Variants in ZC2HC1B observed in about 807,000 individuals in gnomAD.
The protein encoded by ZC2HC1B is zinc finger C2HC domain-containing protein 1B.
Under a neutral mutation model 31.0 loss-of-function variants are expected in ZC2HC1B, and 36 were observed. The ratio of observed to expected loss-of-function variants is 1.16; its 90% confidence interval spans 0.89 to 1.54. ZC2HC1B has a LOEUF of 1.54. ZC2HC1B is among the 40% of genes most tolerant of loss of function. The pLI, the probability that ZC2HC1B is intolerant of heterozygous loss-of-function variation, is 0.00. For missense variants in ZC2HC1B, 260 were observed against 268.6 expected (o/e 0.97, Z 0.22); for synonymous variants, 73 against 88.0 (o/e 0.83, Z 0.95).
At position 143,886,770 on chromosome 6, in the gene ZC2HC1B, A is replaced by G. The variant is rs1034210380; in HGVS notation, c.298A>G (p.Ile100Val). The change falls in exon 4 of 8, where the codon ATT (isoleucine) becomes GTT (valine). Residue 100 changes from isoleucine (I) to valine (V), a missense_variant. Coordinates refer to ENST00000237275, the MANE Select transcript of ZC2HC1B (RefSeq NM_001013623.3). This position sits in a 1 kb window ranked among gnomAD's most constrained non-coding sequence, Gnocchi z 4.2. The stretch of plus-strand genomic sequence containing the variant: ...ATCAGCAAAGCAGTGTATGCTAGCC[A>G]TTAAAGAAGGCCGACCCCTCCCACC... The part of the protein sequence containing the change: ...IRSAKQCMLA[I>V]KEGRPLPPPP... 21 of 1,549,428 alleles carry G rather than the reference A, an allele frequency of 1.4e-5. No homozygotes were observed. Among genetic ancestry groups the G allele is most frequent in the Non-Finnish European group, 1.8e-5 (21 of 1,145,968 alleles).
At chr6:143,890,201 A>T (rs1048348567) in intron 4 of ZC2HC1B, among the ~76,000 whole-genome samples, 2 of 152,146 alleles carry the variant, frequency 1.3e-5, no homozygotes, top group African/African-American at 2.4e-5. Context: ...AGAAAAGAGA[A>T]AAGTTTTAGT....
rs1777531255 is a variant in ZC2HC1B, at chr6:143,886,502, C to T, written c.211-181C>T. On this transcript the variant is annotated intron_variant, in intron 3 of 7. Coordinates refer to ENST00000237275, the MANE Select transcript of ZC2HC1B (RefSeq NM_001013623.3). This position sits in a 1 kb window ranked among gnomAD's most constrained non-coding sequence, Gnocchi z 4.2. ...TTTGTGTTTTCCCTCACTCTTGTGG[C>T]TTGCAAATTATATTACTGTACTTTC... 6.6e-6 allele frequency among the ~76,000 whole-genome samples: 1 copy of T among 152,080 alleles called. No homozygotes were observed. The highest frequency in any genetic ancestry group is 2.4e-5 in the African/African-American group (1 of 41,406).
chr6:143,911,097 C>T lies in ZC2HC1B; in HGVS notation c.598+7945C>T, dbSNP rs907946064. On this transcript the variant is annotated intron_variant, in intron 6 of 7. Transcript: ENST00000237275. This position sits in a 1 kb window ranked among gnomAD's most constrained non-coding sequence, Gnocchi z 4.5. ...GTTTTGTCAGAAACTAGGATTGCAACCCCTGCTTTTTTCAATATTTTCCAT... is the reference window on the plus strand; with the variant it reads ...GTTTTGTCAGAAACTAGGATTGCAATCCCTGCTTTTTTCAATATTTTCCAT... Among the ~76,000 whole-genome samples the T allele has an allele frequency of 6.6e-6, 1 of 152,146 alleles. No homozygotes were observed. The highest frequency in any genetic ancestry group is 1.5e-5 in the Non-Finnish European group (1 of 68,020).
chr6:143,918,563 T>C lies in ZC2HC1B; in HGVS notation c.598+15411T>C, dbSNP rs1777943202. On this transcript the variant is annotated intron_variant, in intron 6 of 7. Transcript: ENST00000237275. The surrounding 1 kb of genome is among the most constrained non-coding windows in gnomAD (Gnocchi z 4.1). ...GGTCTCTTTGAGTTTGTCTTACTTT[T>C]AGTTTTTGAATGATTCTTAAATGTT... 6.6e-6 allele frequency among the ~76,000 whole-genome samples: 1 copy of C among 152,218 alleles called. No individual in the cohort carries two copies. Among genetic ancestry groups the C allele is most frequent in the South Asian group, 2.1e-4 (1 of 4,836 alleles).
At chr6:143,896,770 A>G (rs1396559237) in intron 4 of ZC2HC1B, among the ~76,000 whole-genome samples, 1 of 152,200 alleles carries the variant, frequency 6.6e-6, no homozygotes, top group Non-Finnish European at 1.5e-5. Flanking sequence ...TAGCAAGTAA[A>G]GAACTCAGGC....
chr6:143,875,319 AAAGTG>A (rs1777392362), intron 1 of ZC2HC1B, among the ~76,000 whole-genome samples: 1 of 151,432 alleles, frequency 6.6e-6, no homozygotes, highest in African/African-American at 2.4e-5. Context: ...GAGTAGGTCT[AAAGTG>A]ACTAATCCAC....
chr6:143,925,530 T>C (rs1355409186), intron 6 of ZC2HC1B, among the ~76,000 whole-genome samples: 1 of 132,634 alleles, frequency 7.5e-6, no homozygotes, highest in Non-Finnish European at 1.5e-5. Flanking sequence ...TTCATTCTTT[T>C]CTTTTCTTTT....
intron 6 of ZC2HC1B, among the ~76,000 whole-genome samples, chr6:143,910,662 A>G (rs925515550): frequency 1.3e-5 from 2 of 152,224 alleles, no homozygotes; most frequent in African/African-American, 4.8e-5. Flanking sequence ...TTGGGTGCAT[A>G]TATATTTAGG....
chr6:143,898,572 T>G lies in ZC2HC1B; in HGVS notation c.370T>G (p.Cys124Gly). ...LNPDYIQRPY[C>G]MRRFNESAAE... ...TTCAGATTATATTCAACGTCCATAT[T>G]GTATGAGAAGGTTTAATGAAAGCGC... The change falls in exon 5 of 8, where the codon TGT (cysteine) becomes GGT (glycine). Residue 124 changes from cysteine to glycine, a missense_variant. Cys to Gly is a radical substitution (Grantham distance 159). Transcript: ENST00000237275. 6.4e-7 allele frequency: 1 copy of G among 1,551,722 alleles called. No individual in the cohort carries two copies. Among genetic ancestry groups the G allele is most frequent in the Non-Finnish European group, 8.7e-7 (1 of 1,146,986 alleles).
chr6:143,886,019 C>T lies in ZC2HC1B; in HGVS notation c.91-13C>T. ...CACTTTAGAAATTCCAATCCCTACTCTTCGTTTTCTAGGAAAGGCATGGAC... is the reference window on the plus strand; with the variant it reads ...CACTTTAGAAATTCCAATCCCTACTTTTCGTTTTCTAGGAAAGGCATGGAC... On this transcript the variant is annotated splice_polypyrimidine_tract_variant and intron_variant, in intron 2 of 7. Transcript: ENST00000237275. This position sits in a 1 kb window ranked among gnomAD's most constrained non-coding sequence, Gnocchi z 4.2. 1 of 1,514,926 alleles carries T rather than the reference C, an allele frequency of 6.6e-7. No homozygotes were observed. The highest frequency in any genetic ancestry group is 1.3e-5 in the South Asian group (1 of 77,046). The allele number at this position is 1,514,926 out of a possible 1,614,324, so 93.8% of individuals were successfully genotyped here. A position where few individuals can be genotyped will look rare whatever the true frequency, so the allele number is the denominator to read the frequency against.
rs1778140471 is a variant in ZC2HC1B at position 143,933,047 on chromosome 6, AG to A, written c.599-4598del. 6.6e-6 allele frequency among the ~76,000 whole-genome samples: 1 copy of A among 152,214 alleles called. No homozygotes were observed. Among genetic ancestry groups the A allele is most frequent in the African/African-American group, 2.4e-5 (1 of 41,450 alleles). ...CAGCACCTGTTCTGATGGAGGTGGC[AG>A]GGGAGTCAGGTAGACTCTGTGAGAG... On this transcript the variant is annotated intron_variant, in intron 6 of 7. Transcript: ENST00000237275. This position sits in a 1 kb window ranked among gnomAD's most constrained non-coding sequence, Gnocchi z 6.4.
chr6:143,926,060 C>CAAA (rs1340204102), intron 6 of ZC2HC1B, among the ~76,000 whole-genome samples: 1 of 151,874 alleles, frequency 6.6e-6, no homozygotes, highest in Non-Finnish European at 1.5e-5. Context: ...TTTATCTTTT[C>CAAA]AAAAAACTAA....
At position 143,915,416 on chromosome 6, in the gene ZC2HC1B, A is replaced by C. The variant is rs575925185; in HGVS notation, c.598+12264A>C. On this transcript the variant is annotated intron_variant, in intron 6 of 7. Coordinates refer to ENST00000237275, the MANE Select transcript of ZC2HC1B (RefSeq NM_001013623.3). The surrounding 1 kb of genome is among the most constrained non-coding windows in gnomAD (Gnocchi z 5.2). ...ATGTCTTTTTCGGCAGCATGAAAACAGACGAATACAGTAAATTGGTACCAG... is the reference window on the plus strand; with the variant it reads ...ATGTCTTTTTCGGCAGCATGAAAACCGACGAATACAGTAAATTGGTACCAG... Among the ~76,000 whole-genome samples, 4 of 152,332 alleles carry C rather than the reference A, an allele frequency of 2.6e-5. No homozygotes were observed. Among genetic ancestry groups the C allele is most frequent in the African/African-American group, 4.8e-5 (2 of 41,574 alleles).
intron 5 of ZC2HC1B, 64 bp downstream of exon 5, chr6:143,898,755 A>T: frequency 2.0e-6 from 3 of 1,535,566 alleles, no homozygotes; most frequent in Middle Eastern, 1.7e-4. Context: ...AGCCGGTAGA[A>T]CTCCCTAGAG....
At chr6:143,892,117 A>G (rs983682495) in intron 4 of ZC2HC1B, among the ~76,000 whole-genome samples, 1 of 152,124 alleles carries the variant, frequency 6.6e-6, no homozygotes, top group Non-Finnish European at 1.5e-5. Context: ...TATAAAGAAA[A>G]GGGGGTTTTT....
In ZC2HC1B at chr6:143,921,680, G is replaced by A. The variant is rs759355455; in HGVS notation, c.599-15969G>A. 2.3e-4 allele frequency among the ~76,000 whole-genome samples: 35 copies of A among 152,100 alleles called. No individual in the cohort carries two copies. Among genetic ancestry groups the A allele is most frequent in the Non-Finnish European group, 5.0e-4 (34 of 68,016 alleles). On this transcript the variant is annotated intron_variant, in intron 6 of 7. Coordinates refer to ENST00000237275, the MANE Select transcript of ZC2HC1B (RefSeq NM_001013623.3). This position sits in a 1 kb window ranked among gnomAD's most constrained non-coding sequence, Gnocchi z 6.1. ...TGTGGTGGCTCACATTTATAATCCC[G>A]GTGCTTTGGGAGGCCAAAGTCAGAG... is the stretch of plus-strand genomic sequence containing the variant.
Position 143,893,554 on chromosome 6 carries a change from G to A in ZC2HC1B, c.350-4998G>A, listed in dbSNP as rs551826790. On this transcript the variant is annotated intron_variant, in intron 4 of 7. Transcript: ENST00000237275. ...TGCGCTCCAGCCTGGGTGACAGAGT[G>A]AGACTGTCTCAAAAAACAAAGAAGA... is the stretch of plus-strand genomic sequence containing the variant. Among the ~76,000 whole-genome samples the A allele has an allele frequency of 3.4e-3, 514 of 152,176 alleles. 1 individual carries two copies. The highest frequency in any genetic ancestry group is 3.4e-3 in the Non-Finnish European group (233 of 67,994).
intron 1 of ZC2HC1B, among the ~76,000 whole-genome samples, chr6:143,878,892 C>G (rs909142109): frequency 2.0e-5 from 3 of 152,144 alleles, no homozygotes; most frequent in African/African-American, 7.2e-5. Context: ...TATACTCATG[C>G]CTTCAGACAT....
In ZC2HC1B at chr6:143,924,688, A is replaced by G. The variant is rs1332070472; in HGVS notation, c.599-12961A>G. ...TACTATGCTGAGGCATGTTTCTTCT[A>G]TGCCTAATTTGTTAAGAGTTTTAAT... On this transcript the variant is annotated intron_variant, in intron 6 of 7. Coordinates refer to ENST00000237275, the MANE Select transcript of ZC2HC1B (RefSeq NM_001013623.3). The surrounding 1 kb of genome is among the most constrained non-coding windows in gnomAD (Gnocchi z 5.2). Among the ~76,000 whole-genome samples the G allele has an allele frequency of 2.0e-5, 3 of 152,150 alleles. No individual in the cohort carries two copies. The highest frequency in any genetic ancestry group is 2.0e-4 in the Admixed American group (3 of 15,272).
Sources: allele counts gnomAD v4.1 joint callset (sites outside exome capture counted in the v4.1 genomes callset), GRCh38; gene constraint gnomAD v4.1.1; non-coding constraint Gnocchi (gnomAD v3.1); transcripts MANE v1.5; gene names NCBI Gene and HGNC (gene_info 2026-07-23, HGNC 2026-07-21).